GALNTL6: variants seen among roughly 807,000 people sequenced by gnomAD.
GALNTL6 encodes the protein polypeptide N-acetylgalactosaminyltransferase-like 6.
Under a neutral mutation model 73.7 loss-of-function variants are expected in GALNTL6, and 46 were observed. The observed-to-expected ratio is 0.62, with a 90% CI of 0.49 to 0.80. GALNTL6 has a LOEUF of 0.80. Ranked by LOEUF, GALNTL6 falls within the 30% of genes least tolerant of loss-of-function variation. The pLI is 0.00. For missense variants in GALNTL6, 604 were observed against 755.0 expected (o/e 0.80, Z 2.34); for synonymous variants, 259 against 263.7 (o/e 0.98, Z 0.17).
chr4:172,241,860 AT>A (rs1737444867), intron 3 of GALNTL6, among the ~76,000 whole-genome samples: 1 of 152,118 alleles, frequency 6.6e-6, no homozygotes, highest in African/African-American at 2.4e-5. Flanking sequence ...TTGACACTGT[AT>A]TTTATCTTTT....
At chr4:172,540,195 C>T (rs1377773573) in intron 5 of GALNTL6, among the ~76,000 whole-genome samples, 1 of 151,706 alleles carries the variant, frequency 6.6e-6, no homozygotes, top group Non-Finnish European at 1.5e-5. Context: ...GGACTACAGG[C>T]GTATGCCACC....
intron 5 of GALNTL6, among the ~76,000 whole-genome samples, chr4:172,640,041 A>G (rs1739898897): frequency 1.3e-5 from 2 of 152,088 alleles, no homozygotes; most frequent in Admixed American, 1.3e-4. Context: ...AAAACTCTTC[A>G]GAAATTGTTT....
chr4:171,926,846 A>G (rs868135231), intron 2 of GALNTL6, among the ~76,000 whole-genome samples: 1 of 152,066 alleles, frequency 6.6e-6, no homozygotes, highest in South Asian at 2.1e-4. Context: ...TTTTCTGGAT[A>G]CTAACTCTTC....
chr4:172,794,144 G>T (rs967953640), intron 5 of GALNTL6, among the ~76,000 whole-genome samples: 3 of 152,124 alleles, frequency 2.0e-5, no homozygotes, highest in African/African-American at 7.2e-5. Context: ...AAACAGCCCT[G>T]CTGTAGAGGT....
At chr4:172,360,874 G>A (rs1203740527) in intron 5 of GALNTL6, among the ~76,000 whole-genome samples, 12 of 152,166 alleles carry the variant, frequency 7.9e-5, no homozygotes, top group Admixed American at 7.9e-4. Flanking sequence ...GAAGTCTAAT[G>A]TGTGAAATAT....
intron 5 of GALNTL6, among the ~76,000 whole-genome samples, chr4:172,519,239 T>G (rs338053): frequency 3.2e-4 from 48 of 150,544 alleles, no homozygotes; most frequent in African/African-American, 1.1e-3. Context: ...GTAAGATATA[T>G]TTAAGATATT....
At chr4:172,079,833 C>CTT (rs201150849) in intron 2 of GALNTL6, among the ~76,000 whole-genome samples, 1 of 148,188 alleles carries the variant, frequency 6.7e-6, no homozygotes, top group Non-Finnish European at 1.5e-5. Context: ...GAACACAACA[C>CTT]TTTTTTTTTT....
intron 2 of GALNTL6, among the ~76,000 whole-genome samples, chr4:172,208,620 G>T (rs1736220924): frequency 6.6e-6 from 1 of 151,940 alleles, no homozygotes; most frequent in South Asian, 2.1e-4. Context: ...CACTCATAAG[G>T]TCACAAAACA....
intron 2 of GALNTL6, among the ~76,000 whole-genome samples, chr4:172,219,527 G>A (rs953439891): frequency 6.6e-5 from 10 of 151,468 alleles, no homozygotes; most frequent in Non-Finnish European, 1.2e-4. Context: ...TTGTTTTCCC[G>A]TAAGTAAATT....
intron 2 of GALNTL6, among the ~76,000 whole-genome samples, chr4:171,868,137 T>C (rs2110889736): frequency 6.6e-6 from 1 of 151,806 alleles, no homozygotes; most frequent in South Asian, 2.1e-4. Context: ...CAGGTGTGTA[T>C]CACCAAGCCT....
chr4:172,581,533 C>G (rs1737190129), intron 5 of GALNTL6, among the ~76,000 whole-genome samples: 2 of 152,164 alleles, frequency 1.3e-5, no homozygotes, highest in African/African-American at 4.8e-5. Flanking sequence ...CTACATTTAC[C>G]CAATCCCCCT....
chr4:172,124,314 T>G (rs1733234062), intron 2 of GALNTL6, among the ~76,000 whole-genome samples: 2 of 152,172 alleles, frequency 1.3e-5, no homozygotes, highest in South Asian at 4.1e-4. Context: ...AATATCTCTA[T>G]AGGACAAGAG....
intron 5 of GALNTL6, among the ~76,000 whole-genome samples, chr4:172,655,517 G>A (rs1446689621): frequency 2.0e-5 from 3 of 152,082 alleles, no homozygotes; most frequent in African/African-American, 7.2e-5. Context: ...TATAGATGAG[G>A]CTTAGAATGG....
At chr4:172,908,897 T>G (rs1747052311) in intron 8 of GALNTL6, among the ~76,000 whole-genome samples, 1 of 151,804 alleles carries the variant, frequency 6.6e-6, no homozygotes, top group Non-Finnish European at 1.5e-5. Flanking sequence ...TGGTAATAAT[T>G]TTTTTAGCTA....
chr4:172,182,020 A>G (rs1449835953), intron 2 of GALNTL6, among the ~76,000 whole-genome samples: 1 of 152,130 alleles, frequency 6.6e-6, no homozygotes, highest in East Asian at 1.9e-4. Context: ...CCCGGCCTTC[A>G]GCCCCAAATC....
intron 2 of GALNTL6, among the ~76,000 whole-genome samples, chr4:172,137,958 C>G (rs1006262860): frequency 6.6e-6 from 1 of 152,150 alleles, no homozygotes; most frequent in African/African-American, 2.4e-5. Context: ...TTGCCGAAAG[C>G]TTTGGCAACT....
At chr4:172,655,831 G>C (rs560669836) in intron 5 of GALNTL6, among the ~76,000 whole-genome samples, 1 of 152,248 alleles carries the variant, frequency 6.6e-6, no homozygotes, top group Non-Finnish European at 1.5e-5. Flanking sequence ...ATAGTGTAGA[G>C]AATTTGGTTT....
chr4:172,715,246 G>A lies in GALNTL6; in HGVS notation c.554-94115G>A, dbSNP rs536329634. The stretch of plus-strand genomic sequence containing the variant: ...TGAAGGTAGTAAGAAAAGCAACACT[G>A]GTGTATGTGGCGGCAGGGTGTGTGT... On this transcript the variant is annotated intron_variant, in intron 5 of 12. Transcript: ENST00000506823. Among the ~76,000 whole-genome samples the A allele has an allele frequency of 2.0e-5, 3 of 152,280 alleles. No individual in the cohort carries two copies. In the East Asian group the frequency reaches 5.8e-4, roughly 29 times the overall value.
At chr4:172,835,796 A>G (rs1393541175) in intron 7 of GALNTL6, among the ~76,000 whole-genome samples, 1 of 152,188 alleles carries the variant, frequency 6.6e-6, no homozygotes, top group East Asian at 1.9e-4. Context: ...AGTTAGAGGT[A>G]AGGTAGACAG....
Sources: allele counts gnomAD v4.1 joint callset (sites outside exome capture counted in the v4.1 genomes callset), GRCh38; gene constraint gnomAD v4.1.1; transcripts MANE v1.5; gene names NCBI Gene and HGNC (gene_info 2026-07-23, HGNC 2026-07-21).